The following MEOX2 variants were observed in gnomAD, a reference collection of about 807,000 sequenced individuals.
MEOX2 encodes the protein homeobox protein MOX-2.
In MEOX2, 11 loss-of-function variants were observed where a neutral mutation model predicts 27.0. That is an observed-to-expected ratio of 0.41 (90% confidence interval 0.26 to 0.68). The LOEUF (loss-of-function observed/expected upper bound fraction) is 0.68. Among genes scored for constraint, MEOX2 ranks in the 30% least tolerant of loss-of-function variants. The pLI is 0.33. For missense variants in MEOX2, 436 were observed against 385.4 expected, an observed-to-expected ratio of 1.13 and a Z score of -1.10; for synonymous variants, 189 against 155.4, an observed-to-expected ratio of 1.22 and a Z score of -1.61.
chr7:15,686,108 A>G lies in MEOX2; in HGVS notation c.295T>C (p.Ser99Pro), dbSNP rs1477582537. The G allele has an allele frequency of 6.3e-7, 1 of 1,583,794 alleles. No homozygotes were observed. The highest frequency in any genetic ancestry group is 1.8e-5 in the Admixed American group (1 of 54,822). ...QTNWHLPQMS[S>P]PPSAARHSLC... ...CTGTGCCGAGCCGCACTCGGTGGGG[A>G]AGACATCTGCGGGAGGTGCCAGTTG... The change falls in exon 1 of 3, where the codon TCC (serine) becomes CCC (proline). Residue 99 changes from serine to proline, a missense_variant. Physicochemically the swap from Ser to Pro is moderately conservative, Grantham distance 74. Coordinates refer to ENST00000262041, the MANE Select transcript of MEOX2 (RefSeq NM_005924.5).
At position 15,612,469 on chromosome 7, in the gene MEOX2, G is replaced by T; in HGVS notation, c.833C>A (p.Ala278Asp). 6.2e-7 allele frequency: 1 copy of T among 1,614,100 alleles called. No homozygotes were observed. Among genetic ancestry groups the T allele is most frequent in the African/African-American group, 1.3e-5 (1 of 75,016 alleles). Reference protein sequence around the residue: ...LPSELSGIGAATLQQTGDSIA... With the variant: ...LPSELSGIGADTLQQTGDSIA... ...AGAGTCCCCTGTTTGCTGGAGGGTG[G>T]CTGCACCAATTCCCGACAGCTCTGA... is the stretch of plus-strand genomic sequence containing the variant. Residue 278 changes from alanine to aspartate, a missense_variant, in exon 3 of 3, where the codon GCC becomes GAC. Ala to Asp is a moderately radical substitution (Grantham distance 126). Transcript: ENST00000262041.
chr7:15,625,919 A>G (rs1404624664), intron 2 of MEOX2, among the ~76,000 whole-genome samples: 1 of 152,176 alleles, frequency 6.6e-6, no homozygotes, highest in Non-Finnish European at 1.5e-5. Context: ...AAAAACATTA[A>G]TAATTTCAAA....
At position 15,648,887 on chromosome 7, in the gene MEOX2, A is replaced by G. The variant is rs17168950; in HGVS notation, c.518-21969T>C. Reference sequence around the variant, plus strand: ...GGAATTCCCTCTTCCTTTGGCACCCACTTGCCAGCACGACTATAAAACAGG... The same window carrying G: ...GGAATTCCCTCTTCCTTTGGCACCCGCTTGCCAGCACGACTATAAAACAGG... On this transcript the variant is annotated intron_variant, in intron 1 of 2. Coordinates refer to ENST00000262041, the MANE Select transcript of MEOX2 (RefSeq NM_005924.5). 5.2e-3 allele frequency among the ~76,000 whole-genome samples: 785 copies of G among 152,094 alleles called. 5 individuals are homozygous for G. Among genetic ancestry groups the G allele is most frequent in the African/African-American group, 0.018 (744 of 41,528 alleles).
intron 2 of MEOX2, among the ~76,000 whole-genome samples, chr7:15,623,268 A>T (rs960534188): frequency 2.6e-5 from 4 of 152,228 alleles, no homozygotes; most frequent in Non-Finnish European, 5.9e-5. Flanking sequence ...AAGAATAGCA[A>T]AGTTGACAAC....
At chr7:15,673,819 A>G (rs1442767927) in intron 1 of MEOX2, among the ~76,000 whole-genome samples, 2 of 152,154 alleles carry the variant, frequency 1.3e-5, no homozygotes, top group Non-Finnish European at 2.9e-5. Flanking sequence ...AAAATCCTGT[A>G]GAAAACTTGA....
intron 1 of MEOX2, among the ~76,000 whole-genome samples, chr7:15,673,233 CAT>C (rs1432375289): frequency 6.6e-6 from 1 of 152,146 alleles, no homozygotes; most frequent in African/African-American, 2.4e-5. Context: ...AAACCAGAGA[CAT>C]GTGAACTAGG....
chr7:15,683,573 C>A (rs1033051102), intron 1 of MEOX2, among the ~76,000 whole-genome samples: 4 of 151,932 alleles, frequency 2.6e-5, no homozygotes, highest in African/African-American at 9.7e-5. Flanking sequence ...AATAAAATAT[C>A]TTTGAAGATA....
intron 1 of MEOX2, among the ~76,000 whole-genome samples, chr7:15,672,593 A>T (rs185505228): frequency 6.4e-4 from 97 of 152,310 alleles, no homozygotes; most frequent in Admixed American, 2.5e-3. Context: ...TCACTTTAGA[A>T]AGTATCCGTA....
At chr7:15,683,861 T>C (rs549725103) in intron 1 of MEOX2, among the ~76,000 whole-genome samples, 1 of 152,274 alleles carries the variant, frequency 6.6e-6, no homozygotes, top group South Asian at 2.1e-4. Flanking sequence ...CTGTTAATAA[T>C]TTATGTAGCT....
intron 1 of MEOX2, among the ~76,000 whole-genome samples, chr7:15,672,314 A>G (rs977405179): frequency 6.6e-6 from 1 of 152,120 alleles, no homozygotes; most frequent in African/African-American, 2.4e-5. Flanking sequence ...TCTTGACTGT[A>G]TGTAATGCTC....
rs548945104 is a variant in MEOX2 at position 15,642,335 on chromosome 7, TCTGA to T, written c.518-15421_518-15418del. Among the ~76,000 whole-genome samples, 9 of 152,286 alleles carry T rather than the reference TCTGA, an allele frequency of 5.9e-5. 1 individual carries two copies. The highest frequency in any genetic ancestry group is 6.8e-3 in the Middle Eastern group (2 of 294). On this transcript the variant is annotated intron_variant, in intron 1 of 2. Coordinates refer to ENST00000262041, the MANE Select transcript of MEOX2 (RefSeq NM_005924.5). ...TAAAATTATTTTTTCTTTATTTTTGTCTGACTGAGATAATTCAAAAGTACAGTCT... is the reference window on the plus strand; with the variant it reads ...TAAAATTATTTTTTCTTTATTTTTGTCTGAGATAATTCAAAAGTACAGTCT...
intron 1 of MEOX2, among the ~76,000 whole-genome samples, chr7:15,646,662 T>A (rs1440707211): frequency 1.3e-5 from 2 of 152,046 alleles, no homozygotes; most frequent in Non-Finnish European, 2.9e-5. Flanking sequence ...AAGGTTTTCA[T>A]AATGGAAGAA....
intron 1 of MEOX2, among the ~76,000 whole-genome samples, chr7:15,643,751 A>G (rs114802803): frequency 1.3e-5 from 2 of 152,156 alleles, no homozygotes; most frequent in Non-Finnish European, 2.9e-5. Context: ...AACCTGTGCC[A>G]CACTCTTCTC....
At chr7:15,659,546 G>A (rs1334157597) in intron 1 of MEOX2, among the ~76,000 whole-genome samples, 12 of 151,940 alleles carry the variant, frequency 7.9e-5, no homozygotes. Flanking sequence ...GGATCACAAG[G>A]TCAGGAGATC....
intron 1 of MEOX2, chr7:15,676,287 T>G (rs138655206): frequency 1.1e-3 from 163 of 152,320 alleles, no homozygotes; most frequent in African/African-American, 3.7e-3. Context: ...CAAAATAAAA[T>G]TCTGTTCATG....
intron 1 of MEOX2, among the ~76,000 whole-genome samples, chr7:15,676,741 C>A (rs1487150590): frequency 4.6e-5 from 7 of 151,850 alleles, no homozygotes. Context: ...GCCTGTAGTC[C>A]CAGCTACTCA....
At chr7:15,643,677 C>A (rs866993204) in intron 1 of MEOX2, among the ~76,000 whole-genome samples, 1 of 152,328 alleles carries the variant, frequency 6.6e-6, no homozygotes, top group South Asian at 2.1e-4. Context: ...GGCTGTCAGG[C>A]CACACACCCT....
intron 1 of MEOX2, among the ~76,000 whole-genome samples, chr7:15,682,192 G>A (rs887797038): frequency 6.6e-6 from 1 of 151,620 alleles, no homozygotes; most frequent in Non-Finnish European, 1.5e-5. Flanking sequence ...TCAAGATCCA[G>A]TATATTATTT....
intron 1 of MEOX2, among the ~76,000 whole-genome samples, chr7:15,631,906 A>ATGTGTGTGTGTGTGTCTGTGTG (rs1554293456): frequency 1.5e-5 from 2 of 129,352 alleles, no homozygotes; most frequent in Non-Finnish European, 3.2e-5. Context: ...CCAAGGTTAA[A>ATGTGTGTGTGTGTGTCTGTGTG]TGTGTGTGTG....
Sources: gnomAD v4.1 joint callset for allele counts (sites outside exome capture counted in the v4.1 genomes callset) on GRCh38, gnomAD v4.1.1 for gene constraint, MANE v1.5 for transcripts, NCBI Gene and HGNC (gene_info 2026-07-23, HGNC 2026-07-21) for gene names.